The following EIF6 variants were observed in gnomAD, a reference collection of about 807,000 sequenced individuals.
EIF6 encodes B4 integrin interactor.
EIF6 carries 10 observed loss-of-function variants against 25.5 expected under a neutral mutation model. That is an observed-to-expected ratio of 0.39 (90% CI 0.24 to 0.66). The LOEUF is 0.66. Among genes scored for constraint, EIF6 ranks in the 30% least tolerant of loss-of-function variants. The pLI, the probability that EIF6 is intolerant of heterozygous loss-of-function variation, is 0.45. For missense variants in EIF6, 246 were observed against 315.4 expected (o/e 0.78, Z 1.67); for synonymous variants, 122 against 122.6 (o/e 1.00, Z 0.03).
At position 35,279,100 on chromosome 20, in the gene EIF6, C is replaced by G. The variant is rs1472806718; in HGVS notation, c.*97G>C. The G allele has an allele frequency of 6.5e-7, 1 of 1,539,634 alleles. No homozygotes were observed. Among genetic ancestry groups the G allele is most frequent in the African/African-American group, 1.4e-5 (1 of 73,248 alleles). ...CCCTCAGTCCCAGTGAGCTCTCTGC[C>G]ACCTCCCTGCCAGCATCCGGTACAG... On this transcript the variant is annotated 3_prime_UTR_variant, in exon 7 of 7. Coordinates refer to ENST00000374450, the MANE Select transcript of EIF6 (RefSeq NM_002212.4).
chr20:35,280,843 A>T lies in EIF6; in HGVS notation c.194-14T>A. On this transcript the variant is annotated splice_polypyrimidine_tract_variant and intron_variant, in intron 3 of 6. Coordinates refer to ENST00000374450, the MANE Select transcript of EIF6 (RefSeq NM_002212.4). ...CGTGCCTGTTCCCTGGAGAAACCCA[A>T]ATTAGAGGGTGAATACACAAGATGC... 1.2e-6 allele frequency: 2 copies of T among 1,613,072 alleles called. No homozygotes were observed. The highest frequency in any genetic ancestry group is 8.5e-7 in the Non-Finnish European group (1 of 1,179,570).
chr20:35,279,321 GC>G, intron 6 of EIF6, 115 bp from the exon 7 acceptor site: 1 of 1,407,150 alleles, frequency 7.1e-7, no homozygotes, highest in East Asian at 2.4e-5. Flanking sequence ...AGCTGCTCAA[GC>G]AGCTACTGCT....
chr20:35,280,655 C>T lies in EIF6; in HGVS notation c.368G>A (p.Arg123Lys). Residue 123 changes from arginine (R) to lysine (K), a missense_variant and splice_region_variant, in exon 4 of 7, where the codon AGG becomes AAG. Transcript: ENST00000374450. Reference protein sequence around the residue: ...YVALVHPDLDRETEEILADVL... With the variant: ...YVALVHPDLDKETEEILADVL... ...TTGGGTCAAGTTGGGCTGCCTCACC[C>T]TGTCCAAGTCTGGGTGGACCAAGGC... 1.2e-6 allele frequency: 2 copies of T among 1,612,970 alleles called. No homozygotes were observed. Among genetic ancestry groups the T allele is most frequent in the Non-Finnish European group, 8.5e-7 (1 of 1,179,528 alleles).
chr20:35,283,628 C>T (rs951897661), intron 3 of EIF6, among the ~76,000 whole-genome samples: 1 of 152,034 alleles, frequency 6.6e-6, no homozygotes, highest in East Asian at 1.9e-4. Flanking sequence ...AGGGAGGCCG[C>T]GTCTCTACCA....
chr20:35,279,259 A>C, intron 6 of EIF6, 53 bp from the exon 7 acceptor site: 1 of 1,602,774 alleles, frequency 6.2e-7, no homozygotes, highest in Non-Finnish European at 8.5e-7. Flanking sequence ...AGCCCACCTC[A>C]CTCTCAAGTG....
At chr20:35,282,518 G>C (rs970703341) in intron 3 of EIF6, among the ~76,000 whole-genome samples, 6 of 152,180 alleles carry the variant, frequency 3.9e-5, no homozygotes, top group African/African-American at 1.4e-4. Flanking sequence ...CAAGTCCTAA[G>C]GGCATGGTTA....
chr20:35,281,990 C>CTT (rs56685530), intron 3 of EIF6, among the ~76,000 whole-genome samples: 29,367 of 138,716 alleles, frequency 0.21, 3,364 homozygotes, highest in South Asian at 0.33. Context: ...AGCACTATTA[C>CTT]TTTTTTTTTT....
At chr20:35,282,188 A>G (rs2060781183) in intron 3 of EIF6, among the ~76,000 whole-genome samples, 1 of 152,030 alleles carries the variant, frequency 6.6e-6, no homozygotes, top group East Asian at 2.0e-4. Flanking sequence ...ACGGGGTTTC[A>G]CCGTGTTAAC....
chr20:35,283,753 T>A (rs981392510), intron 3 of EIF6, among the ~76,000 whole-genome samples: 1 of 151,288 alleles, frequency 6.6e-6, no homozygotes, highest in Non-Finnish European at 1.5e-5. Context: ...ACAGCTGTGA[T>A]CTTGCCACTG....
chr20:35,280,381 C>A (rs2060763783), intron 4 of EIF6, among the ~76,000 whole-genome samples: 1 of 152,176 alleles, frequency 6.6e-6, no homozygotes, highest in African/African-American at 2.4e-5. Context: ...CACCCACAGT[C>A]AAAAGTTCAA....
At chr20:35,279,342 T>C (rs1314707893) in intron 6 of EIF6, 136 bp from the exon 7 acceptor site, 5 of 1,336,310 alleles carry the variant, frequency 3.7e-6, no homozygotes, top group East Asian at 4.9e-5. Context: ...TCTAGTATCC[T>C]AGCCCTGAAA....
intron 5 of EIF6, 65 bp from the exon 6 acceptor site, chr20:35,279,812 T>A (rs77702282): frequency 6.9e-6 from 11 of 1,601,962 alleles, no homozygotes; most frequent in Non-Finnish European, 9.4e-6. Flanking sequence ...ATGAAGACTC[T>A]CCCCAAACCC....
At chr20:35,282,906 TA>T (rs74601786) in intron 3 of EIF6, among the ~76,000 whole-genome samples, 2,302 of 151,870 alleles carry the variant, frequency 0.015, 79 homozygotes, top group South Asian at 0.12. Flanking sequence ...AAAGTAAAAG[TA>T]AAAAAATAAA....
At chr20:35,282,572 A>G (rs1257059967) in intron 3 of EIF6, among the ~76,000 whole-genome samples, 1 of 152,148 alleles carries the variant, frequency 6.6e-6, no homozygotes, top group Non-Finnish European at 1.5e-5. Flanking sequence ...CTTTGAGGTC[A>G]CTAGGCTTAA....
chr20:35,280,509 C>T, intron 4 of EIF6, 145 bp downstream of exon 4: 1 of 987,904 alleles, frequency 1.0e-6, no homozygotes, highest in Non-Finnish European at 1.5e-6. Flanking sequence ...TCTGTTATCA[C>T]TATTCCAATG....
chr20:35,280,180 C>T (rs1423019075), intron 4 of EIF6, 62 bp from the exon 5 acceptor site: 7 of 1,570,294 alleles, frequency 4.5e-6, no homozygotes, highest in Non-Finnish European at 5.2e-6. Context: ...CAAGGTTCTC[C>T]ATGCCCAGAA....
chr20:35,281,369 G>C (rs2060774167), intron 3 of EIF6, among the ~76,000 whole-genome samples: 2 of 149,610 alleles, frequency 1.3e-5, no homozygotes, highest in Admixed American at 1.3e-4. Context: ...CTGGGTGACA[G>C]AGCGAAACTC....
In EIF6 at chr20:35,280,810, C is replaced by A. The variant is rs190542531; in HGVS notation, c.213G>T (p.Leu71=). ...CCTGGTCGGTGGTATTGTTGGGTAC[C>A]AGGAGACCGTGCCTGTTCCCTGGAG... ...RMCVGNRHGL[L]VPNNTTDQEL... The change falls in exon 4 of 7, where the codon CTG becomes CTT. Residue 71 remains leucine, a synonymous_variant. Transcript: ENST00000374450. 2.5e-6 allele frequency: 4 copies of A among 1,613,998 alleles called. No homozygotes were observed. The African/African-American group carries it at 5.3e-5, about 22-fold the overall frequency.
At chr20:35,283,418 C>T (rs562464317) in intron 3 of EIF6, among the ~76,000 whole-genome samples, 1 of 152,136 alleles carries the variant, frequency 6.6e-6, no homozygotes, top group Non-Finnish European at 1.5e-5. Flanking sequence ...GCAGGAAGAC[C>T]GCATATCTTA....
Sources: allele counts gnomAD v4.1 joint callset (sites outside exome capture counted in the v4.1 genomes callset), GRCh38; gene constraint gnomAD v4.1.1; transcripts MANE v1.5; gene names NCBI Gene and HGNC (gene_info 2026-07-23, HGNC 2026-07-21).